Variants in CC2D2B observed in about 807,000 individuals in gnomAD.
CC2D2B encodes the protein coiled-coil and C2 domain containing 2B, also known as protein CC2D2B.
In CC2D2B, 128 loss-of-function variants were observed where a neutral mutation model predicts 161.2. That is an observed-to-expected ratio of 0.79 (90% CI 0.69 to 0.92). The LOEUF (loss-of-function observed/expected upper bound fraction) is 0.92. Among genes scored for constraint, CC2D2B ranks in the 40% least tolerant of loss-of-function variants. The pLI is 0.00. For missense variants in CC2D2B, 1,173 were observed against 1,375.1 expected, an observed-to-expected ratio of 0.85 and a Z score of 2.32; for synonymous variants, 391 against 449.8, an observed-to-expected ratio of 0.87 and a Z score of 1.65.
At chr10:95,954,113 G>A (rs2076495218) in intron 10 of CC2D2B, among the ~76,000 whole-genome samples, 1 of 152,044 alleles carries the variant, frequency 6.6e-6, no homozygotes, top group South Asian at 2.1e-4. Context: ...GATCCTTTAA[G>A]GGCAATGAAT....
At chr10:95,974,816 T>A (rs1373590367) in intron 17 of CC2D2B, among the ~76,000 whole-genome samples, 1 of 152,194 alleles carries the variant, frequency 6.6e-6, no homozygotes, top group Non-Finnish European at 1.5e-5. Flanking sequence ...AGTAGAAAGA[T>A]CAGTGGTTGC....
intron 17 of CC2D2B, among the ~76,000 whole-genome samples, chr10:95,977,332 G>A (rs978503975): frequency 3.9e-5 from 6 of 152,146 alleles, no homozygotes; most frequent in African/African-American, 1.4e-4. Context: ...CCAAGATCAT[G>A]CCATTGCACT....
chr10:96,021,852 A>G (rs1238602566), intron 32 of CC2D2B, among the ~76,000 whole-genome samples: 1 of 152,254 alleles, frequency 6.6e-6, no homozygotes, highest in African/African-American at 2.4e-5. Flanking sequence ...AGTCTAAAAC[A>G]AATATGGAAG....
At chr10:95,997,648 A>G (rs1390402644) in intron 24 of CC2D2B, among the ~76,000 whole-genome samples, 1 of 152,206 alleles carries the variant, frequency 6.6e-6, no homozygotes, top group Non-Finnish European at 1.5e-5. Context: ...CTGGCCTCCC[A>G]GAGTGCTGGG....
intron 17 of CC2D2B, among the ~76,000 whole-genome samples, chr10:95,978,253 A>G (rs958273932): frequency 6.6e-6 from 1 of 152,220 alleles, no homozygotes; most frequent in African/African-American, 2.4e-5. Context: ...TCTTTCATCA[A>G]TTACAGAAAC....
At chr10:95,986,524 TG>T (rs1405199126) in intron 19 of CC2D2B, among the ~76,000 whole-genome samples, 3 of 151,652 alleles carry the variant, frequency 2.0e-5, no homozygotes, top group Admixed American at 1.3e-4. Flanking sequence ...AAACTTGAAA[TG>T]GGCATTTCAA....
intron 9 of CC2D2B, among the ~76,000 whole-genome samples, chr10:95,943,359 T>C (rs1229148687): frequency 6.6e-6 from 1 of 152,204 alleles, no homozygotes. Context: ...TTGTCTTCAC[T>C]GACTTGTGTT....
intron 10 of CC2D2B, among the ~76,000 whole-genome samples, chr10:95,951,208 A>G (rs887409900): frequency 6.6e-6 from 1 of 152,038 alleles, no homozygotes; most frequent in Non-Finnish European, 1.5e-5. Context: ...GCTGCAATGC[A>G]GTGGCTCAAT....
chr10:95,996,749 A>T (rs979700293), intron 24 of CC2D2B, among the ~76,000 whole-genome samples: 1 of 152,210 alleles, frequency 6.6e-6, no homozygotes, highest in Non-Finnish European at 1.5e-5. Flanking sequence ...AATTATTTTG[A>T]AAGATTCATC....
chr10:95,973,977 A>T (rs1375746428), intron 16 of CC2D2B, 32 bp from the exon 17 acceptor site: 3 of 1,205,292 alleles, frequency 2.5e-6, no homozygotes, highest in Non-Finnish European at 3.1e-6. Flanking sequence ...ACTTAAAACA[A>T]TTCATATGTT....
Position 95,918,318 on chromosome 10 carries a change from C to T in CC2D2B, c.37-3698C>T, listed in dbSNP as rs2098520410. ...AACAGATTTGGTGTTGACAAAATCC[C>T]TCAGCTTTTGTTTGTCTTGGAAAGT... On this transcript the variant is annotated intron_variant, in intron 2 of 34. Coordinates refer to ENST00000646931, the MANE Select transcript of CC2D2B (RefSeq NM_001349008.3). Among the ~76,000 whole-genome samples, 5 of 152,140 alleles carry T rather than the reference C, an allele frequency of 3.3e-5. No individual in the cohort carries two copies. In the South Asian group the frequency reaches 1.0e-3, roughly 31 times the overall value.
intron 22 of CC2D2B, 112 bp from the exon 23 acceptor site, chr10:95,995,157 C>A: frequency 1.9e-6 from 1 of 530,656 alleles, no homozygotes; most frequent in Admixed American, 3.7e-5. Flanking sequence ...CAGTAAGAAC[C>A]AGAGAAACTG....
At chr10:95,992,108 T>C (rs1315921345) in intron 21 of CC2D2B, among the ~76,000 whole-genome samples, 2 of 152,228 alleles carry the variant, frequency 1.3e-5, no homozygotes, top group Admixed American at 1.3e-4. Flanking sequence ...AAAACTATAA[T>C]TCTATGGATT....
At chr10:95,935,961 G>A (rs1192890947) in intron 6 of CC2D2B, among the ~76,000 whole-genome samples, 1 of 152,242 alleles carries the variant, frequency 6.6e-6, no homozygotes, top group East Asian at 1.9e-4. Context: ...ATATTTGAAT[G>A]AATATTGATT....
chr10:95,909,055 G>A (rs1566296918), intron 1 of CC2D2B, among the ~76,000 whole-genome samples: 1 of 152,102 alleles, frequency 6.6e-6, no homozygotes, highest in Non-Finnish European at 1.5e-5. Flanking sequence ...CAGAGCAGTG[G>A]GTGATTTAGT....
intron 2 of CC2D2B, chr10:95,921,721 CGAATATTTGAAAAGATGTTCAATAACGA>C (rs2098527533): frequency 6.1e-6 from 1 of 165,264 alleles, no homozygotes; most frequent in Admixed American, 7.2e-5. Flanking sequence ...AAAGGGCTGA[CGAATATTTGAAAAGATGTTCAATAACGA>C]GAACACATAG....
At chr10:96,030,690 A>G (rs1233906792) in intron 34 of CC2D2B, among the ~76,000 whole-genome samples, 1 of 152,176 alleles carries the variant, frequency 6.6e-6, no homozygotes, top group East Asian at 1.9e-4. Flanking sequence ...GTTCTTGTAT[A>G]TATAATACAC....
At chr10:95,940,866 GA>G (rs1041518066) in intron 9 of CC2D2B, among the ~76,000 whole-genome samples, 2 of 151,450 alleles carry the variant, frequency 1.3e-5, no homozygotes, top group South Asian at 2.1e-4. Flanking sequence ...TACAGAAATG[GA>G]AAAAAAATCC....
chr10:95,982,011 A>G lies in CC2D2B; in HGVS notation c.1980A>G (p.Gly660=). The change falls in exon 18 of 35, where the codon GGA becomes GGG. Residue 660 remains glycine, a synonymous_variant. Transcript: ENST00000646931. ...LRNVDARSVP[G]IPWLMNEQKL... is the part of the protein sequence containing the mutation. Reference sequence around the variant, plus strand: ...ATGTAGATGCAAGAAGTGTTCCTGGAATTCCATGGCTCATGAATGAACAGA... The same window carrying G: ...ATGTAGATGCAAGAAGTGTTCCTGGGATTCCATGGCTCATGAATGAACAGA... The G allele has an allele frequency of 8.1e-7, 1 of 1,230,896 alleles. No individual in the cohort carries two copies. The highest frequency in any genetic ancestry group is 1.0e-6 in the Non-Finnish European group (1 of 986,920). The allele number at this position is 1,230,896 out of a possible 1,614,324, so 76.2% of individuals were successfully genotyped here.
Sources: gnomAD v4.1 joint callset for allele counts (sites outside exome capture counted in the v4.1 genomes callset) on GRCh38, gnomAD v4.1.1 for gene constraint, MANE v1.5 for transcripts, NCBI Gene and HGNC (gene_info 2026-07-23, HGNC 2026-07-21) for gene names.